The following KHDRBS2 variants were observed in gnomAD, a reference collection of about 807,000 sequenced individuals.
KHDRBS2 encodes KH RNA binding domain containing, signal transduction associated 2, also known as KH domain-containing, RNA-binding, signal transduction-associated protein 2.
KHDRBS2 carries 26 observed loss-of-function variants against 44.3 expected under a neutral mutation model. The observed-to-expected ratio is 0.59, with a 90% CI of 0.43 to 0.81. The LOEUF (loss-of-function observed/expected upper bound fraction) is 0.81, where lower values mean the gene tolerates loss of function less well. Ranked by LOEUF, KHDRBS2 falls within the 40% of genes least tolerant of loss-of-function variation. The pLI is 0.00. For synonymous variants in KHDRBS2, 194 were observed against 151.1 expected (o/e 1.28, Z -2.08); for missense variants, 476 against 433.1 (o/e 1.10, Z -0.88).
intron 3 of KHDRBS2, among the ~76,000 whole-genome samples, chr6:61,987,608 T>C (rs1775297731): frequency 6.6e-6 from 1 of 152,144 alleles, no homozygotes; most frequent in African/African-American, 2.4e-5. Context: ...TAAACACACA[T>C]TTATTATTTA....
At chr6:61,729,337 G>C (rs1470173587) in intron 7 of KHDRBS2, among the ~76,000 whole-genome samples, 1 of 152,108 alleles carries the variant, frequency 6.6e-6, no homozygotes, top group African/African-American at 2.4e-5. Context: ...GCCTTCAGGA[G>C]GAGGGAGAGG....
chr6:61,639,713 T>C, the KHDRBS2 span, among the ~76,000 whole-genome samples: 1 of 152,230 alleles, frequency 6.6e-6, no homozygotes, highest in Admixed American at 6.5e-5. Flanking sequence ...TGAATCACAC[T>C]CAGCACCTAG....
chr6:62,189,998 C>G (rs115024613), intron 1 of KHDRBS2, among the ~76,000 whole-genome samples: 6 of 151,868 alleles, frequency 4.0e-5, no homozygotes. Flanking sequence ...GATTGATGCT[C>G]GAATTTATAG....
At chr6:61,812,870 A>G (rs1227016773) in intron 6 of KHDRBS2, among the ~76,000 whole-genome samples, 1 of 152,020 alleles carries the variant, frequency 6.6e-6, no homozygotes, top group East Asian at 1.9e-4. Context: ...TCACATTTGT[A>G]CCTTGGCCTC....
intron 1 of KHDRBS2, among the ~76,000 whole-genome samples, chr6:62,217,409 A>G (rs933942305): frequency 6.6e-6 from 1 of 151,942 alleles, no homozygotes; most frequent in Non-Finnish European, 1.5e-5. Flanking sequence ...AAGTAAACAT[A>G]TATAATTTAT....
intron 2 of KHDRBS2, among the ~76,000 whole-genome samples, chr6:62,133,178 A>G (rs138109804): frequency 2.9e-4 from 44 of 152,154 alleles, no homozygotes; most frequent in Middle Eastern, 3.4e-3. Context: ...GGGAATGTAG[A>G]TTGGTGATAT....
At chr6:61,924,564 T>C (rs1808623629) in intron 4 of KHDRBS2, among the ~76,000 whole-genome samples, 1 of 150,508 alleles carries the variant, frequency 6.6e-6, no homozygotes, top group Admixed American at 6.6e-5. Context: ...CTAACAGTAG[T>C]CTTTTGATTT....
At chr6:61,796,769 C>T (rs1465238473) in intron 6 of KHDRBS2, among the ~76,000 whole-genome samples, 1 of 152,070 alleles carries the variant, frequency 6.6e-6, no homozygotes, top group Non-Finnish European at 1.5e-5. Context: ...TTGATTCTGA[C>T]AGACATTTAA....
At chr6:62,179,874 G>A (rs1290597988) in intron 1 of KHDRBS2, among the ~76,000 whole-genome samples, 1 of 151,444 alleles carries the variant, frequency 6.6e-6, no homozygotes, top group East Asian at 1.9e-4. Flanking sequence ...GTATTATTTT[G>A]CCCTCCTAAT....
At chr6:61,977,324 C>A (rs760881774) in intron 4 of KHDRBS2, among the ~76,000 whole-genome samples, 20 of 152,120 alleles carry the variant, frequency 1.3e-4, no homozygotes, top group Non-Finnish European at 2.5e-4. Context: ...GCCAAGATTT[C>A]TATTTGAATG....
the KHDRBS2 span, among the ~76,000 whole-genome samples, chr6:61,614,934 A>G: frequency 8.5e-5 from 13 of 152,114 alleles, no homozygotes; most frequent in Middle Eastern, 3.4e-3. Context: ...CAATATCAAG[A>G]TTAAATGAGT....
At chr6:62,071,834 T>G (rs1360535152) in intron 2 of KHDRBS2, among the ~76,000 whole-genome samples, 2 of 152,108 alleles carry the variant, frequency 1.3e-5, no homozygotes, top group Non-Finnish European at 1.5e-5. Context: ...GCTCTTTTTT[T>G]GTTCCATATA....
At chr6:61,843,164 T>C (rs1793846758) in intron 6 of KHDRBS2, among the ~76,000 whole-genome samples, 1 of 151,724 alleles carries the variant, frequency 6.6e-6, no homozygotes, top group Non-Finnish European at 1.5e-5. Context: ...TGGCTAGGGA[T>C]TGGGGGCGGT....
rs548054926 is a variant in KHDRBS2, at chr6:62,046,869, A to G, written c.336+1009T>C. On this transcript the variant is annotated intron_variant, in intron 3 of 8. Coordinates refer to ENST00000281156, the MANE Select transcript of KHDRBS2 (RefSeq NM_152688.4). ...GCTAGTAAAAATCATTCCGTCTGTGACTTTCTACAGTTGATTATTGAACCA... is the reference window on the plus strand; with the variant it reads ...GCTAGTAAAAATCATTCCGTCTGTGGCTTTCTACAGTTGATTATTGAACCA... Among the ~76,000 whole-genome samples, 45 of 151,998 alleles carry G rather than the reference A, an allele frequency of 3.0e-4. 1 individual carries two copies. Among genetic ancestry groups the G allele is most frequent in the Non-Finnish European group, 3.2e-4 (22 of 67,844 alleles).
chr6:61,841,321 C>A (rs1682099943), intron 6 of KHDRBS2, among the ~76,000 whole-genome samples: 2 of 152,048 alleles, frequency 1.3e-5, no homozygotes, highest in Non-Finnish European at 1.5e-5. Flanking sequence ...TAGAATTGTG[C>A]TTTCCATATG....
At chr6:61,561,257 G>A in the KHDRBS2 span, among the ~76,000 whole-genome samples, 1 of 152,018 alleles carries the variant, frequency 6.6e-6, no homozygotes, top group African/African-American at 2.4e-5. Flanking sequence ...CTGAAACTTA[G>A]GGAGGAATGC....
intron 6 of KHDRBS2, among the ~76,000 whole-genome samples, chr6:61,763,252 T>G (rs1210065897): frequency 2.0e-5 from 3 of 152,174 alleles, no homozygotes; most frequent in African/African-American, 4.8e-5. Context: ...TTCTTCCACC[T>G]TGGGGATTTG....
At chr6:61,909,355 C>T (rs1043815178) in intron 4 of KHDRBS2, among the ~76,000 whole-genome samples, 1 of 152,122 alleles carries the variant, frequency 6.6e-6, no homozygotes, top group African/African-American at 2.4e-5. Context: ...AGGTATGAGC[C>T]ACCGTGCCTG....
At chr6:62,282,427 T>C (rs1841929434) in intron 1 of KHDRBS2, among the ~76,000 whole-genome samples, 1 of 152,128 alleles carries the variant, frequency 6.6e-6, no homozygotes, top group South Asian at 2.1e-4. Flanking sequence ...ATTTCAGTGC[T>C]TGCAAAGATT....
Sources: gnomAD v4.1 joint callset for allele counts (sites outside exome capture counted in the v4.1 genomes callset) on GRCh38, gnomAD v4.1.1 for gene constraint, MANE v1.5 for transcripts, NCBI Gene and HGNC (gene_info 2026-07-23, HGNC 2026-07-21) for gene names.